Variants in KCNT1 observed in about 807,000 individuals in gnomAD.
The protein encoded by KCNT1 is potassium sodium-activated channel subfamily T member 1.
In KCNT1, 78 loss-of-function variants were observed where a neutral mutation model predicts 147.8. The observed-to-expected ratio is 0.53, with a 90% confidence interval of 0.44 to 0.64. The LOEUF (loss-of-function observed/expected upper bound fraction) is 0.64. KCNT1 is among the 30% of genes least tolerant of loss of function. The pLI is 0.00. For missense variants in KCNT1, 1,419 were observed against 1,750.3 expected, an observed-to-expected ratio of 0.81 and a Z score of 3.38; for synonymous variants, 867 against 748.8, an observed-to-expected ratio of 1.16 and a Z score of -2.58.
At chr9:135,770,253 C>G (rs189780337) in intron 16 of KCNT1, 45 bp from the exon 17 acceptor site, 12 of 1,551,378 alleles carry the variant, frequency 7.7e-6, no homozygotes, top group Non-Finnish European at 1.0e-5. Flanking sequence ...GAAGGGGCAG[C>G]CATGGCCGAG....
At chr9:135,727,240 T>TC (rs1459959503) in intron 2 of KCNT1, among the ~76,000 whole-genome samples, 5 of 63,984 alleles carry the variant, frequency 7.8e-5, no homozygotes, top group African/African-American at 2.5e-4. Flanking sequence ...CCATTCTCTC[T>TC]CCCCCTCTCT....
rs1165086639 is a variant in KCNT1 at position 135,752,590 on chromosome 9, G to T, written c.435-1347G>T. On this transcript the variant is annotated intron_variant, in intron 4 of 30. Transcript: ENST00000371757. This position sits in a 1 kb window ranked among gnomAD's most constrained non-coding sequence, Gnocchi z 5.1. Reference sequence around the variant, plus strand: ...GACATGGATGGGGGTGGGAAGATGGGTGGATGATGGATGGATGGTTGGATG... The same window carrying T: ...GACATGGATGGGGGTGGGAAGATGGTTGGATGATGGATGGATGGTTGGATG... 2.8e-6 allele frequency: 1 copy of T among 356,916 alleles called. No homozygotes were observed. The highest frequency in any genetic ancestry group is 5.6e-6 in the Non-Finnish European group (1 of 179,782). 22.1% of individuals were successfully genotyped at this position (356,916 alleles called of 1,614,324 possible). A position where few individuals can be genotyped will look rare whatever the true frequency, so the allele number is the denominator to read the frequency against.
intron 1 of KCNT1, among the ~76,000 whole-genome samples, chr9:135,710,323 T>C (rs567386899): frequency 3.9e-5 from 6 of 152,334 alleles, no homozygotes; most frequent in Admixed American, 3.3e-4. Context: ...TAGCATAGGC[T>C]GGAGCCAGGT....
rs762508818 is a variant in KCNT1 at position 135,771,106 on chromosome 9, A to G, written c.2008+11A>G. 102 of 1,604,216 alleles carry G rather than the reference A, an allele frequency of 6.4e-5. No individual in the cohort carries two copies. Among genetic ancestry groups the G allele is most frequent in the Non-Finnish European group, 8.4e-5 (99 of 1,174,660 alleles). On this transcript the variant is annotated intron_variant, in intron 18 of 30. Transcript: ENST00000371757. ...TCATCGCCTCCATGGGTGAGCCGGG[A>G]CAGGCGCGCGGGACTCCCTGGGCCT...
intron 1 of KCNT1, among the ~76,000 whole-genome samples, chr9:135,704,235 C>T (rs547635302): frequency 6.6e-6 from 1 of 152,224 alleles, no homozygotes; most frequent in South Asian, 2.1e-4. Context: ...GGTGCCAGGC[C>T]TTGAGCAGGC....
rs1832845859 is a variant in KCNT1, at chr9:135,772,778, G to A, written c.2072G>A (p.Gly691Glu). 2 of 1,488,872 alleles carry A rather than the reference G, an allele frequency of 1.3e-6. No homozygotes were observed. Among genetic ancestry groups the A allele is most frequent in the Non-Finnish European group, 1.8e-6 (2 of 1,117,232 alleles). 92.2% of individuals were successfully genotyped at this position (1,488,872 alleles called of 1,614,324 possible). ...HRPTQSGGGG[G>E]GSKLALPTEN... ...CCTACGCAGAGCGGCGGTGGGGGCG[G>A]GGGCAGCAAGCTGGCACTGCCCACG... is the stretch of plus-strand genomic sequence containing the variant. Residue 691 changes from glycine (G) to glutamate (E), a missense_variant, in exon 19 of 31, where the codon GGG (glycine) becomes GAG (glutamate). By Grantham distance (98) the Gly-to-Glu change is moderately conservative. Coordinates refer to ENST00000371757, the MANE Select transcript of KCNT1 (RefSeq NM_020822.3).
rs1554766004 is a variant in KCNT1 at position 135,730,990 on chromosome 9, T to TGAAAAAGA, written c.254+16270_254+16271insGAAAAAGA. Among the ~76,000 whole-genome samples, 1 of 85,594 alleles carries TGAAAAAGA rather than the reference T, an allele frequency of 1.2e-5. No homozygotes were observed. Among genetic ancestry groups the TGAAAAAGA allele is most frequent in the Non-Finnish European group, 2.2e-5 (1 of 44,680 alleles). The allele number at this position is 85,594 out of a possible 152,430, so 56.2% of individuals were successfully genotyped here. ...AACAAAGTGAGATCCCGTCTCAAGGTAAAAAAAAAAAAAAAAAAAAAAAGT... is the reference window on the plus strand; with the variant it reads ...AACAAAGTGAGATCCCGTCTCAAGGTGAAAAAGAAAAAAAAAAAAAAAAAAAAAAAAGT... On this transcript the variant is annotated intron_variant, in intron 2 of 30. Coordinates refer to ENST00000371757, the MANE Select transcript of KCNT1 (RefSeq NM_020822.3). This position sits in a 1 kb window ranked among gnomAD's most constrained non-coding sequence, Gnocchi z 4.7.
rs896736684 is a variant in KCNT1, at chr9:135,781,335, C to T, written c.2841+1865C>T. Among the ~76,000 whole-genome samples the T allele has an allele frequency of 4.6e-5, 7 of 152,192 alleles. No homozygotes were observed. The East Asian group carries it at 9.6e-4, about 21-fold the overall frequency. On this transcript the variant is annotated intron_variant, in intron 24 of 30. Transcript: ENST00000371757. ...GGGCAGGGCCAGGCATATACAGAGA[C>T]GTGGAGCCGAGGGAGGAGAGGGTGC...
At chr9:135,783,602 C>T (rs927512106) in intron 24 of KCNT1, among the ~76,000 whole-genome samples, 2 of 152,236 alleles carry the variant, frequency 1.3e-5, no homozygotes, top group African/African-American at 2.4e-5. Context: ...GCAGGGAGCC[C>T]GATGCTTGCT....
intron 1 of KCNT1, among the ~76,000 whole-genome samples, chr9:135,705,316 C>T (rs1835208222): frequency 6.6e-6 from 1 of 152,352 alleles, no homozygotes; most frequent in Admixed American, 6.5e-5. Flanking sequence ...CACAAACAAT[C>T]CCAGGTTTCT....
intron 2 of KCNT1, among the ~76,000 whole-genome samples, chr9:135,737,464 C>G (rs965473446): frequency 1.8e-4 from 28 of 152,186 alleles, no homozygotes; most frequent in African/African-American, 6.8e-4. Context: ...AGGAGCCGTT[C>G]TAGATGCTGC....
Position 135,784,529 on chromosome 9 carries a change from G to A in KCNT1, c.2944-6G>A. The A allele has an allele frequency of 1.6e-6, 1 of 629,630 alleles. No individual in the cohort carries two copies. Among genetic ancestry groups the A allele is most frequent in the Non-Finnish European group, 2.3e-6 (1 of 438,750 alleles). 39.0% of individuals were successfully genotyped at this position (629,630 alleles called of 1,614,324 possible). A position where few individuals can be genotyped will look rare whatever the true frequency, so the allele number is the denominator to read the frequency against. The stretch of plus-strand genomic sequence containing the variant: ...TCCCTCCCTCCCTCCCTCCCTCCCT[G>A]GCCAGTCCTTCGTGAAGGACTACAT... On this transcript the variant is annotated splice_polypyrimidine_tract_variant and splice_region_variant and intron_variant, in intron 25 of 30. Transcript: ENST00000371757.
chr9:135,783,088 C>T (rs1833731030), intron 24 of KCNT1, among the ~76,000 whole-genome samples: 1 of 152,200 alleles, frequency 6.6e-6, no homozygotes, highest in Admixed American at 6.5e-5. Context: ...AGGCCGAGCT[C>T]CAGGGTTGGG....
chr9:135,781,490 G>A (rs1374527592), intron 24 of KCNT1, among the ~76,000 whole-genome samples: 1 of 152,202 alleles, frequency 6.6e-6, no homozygotes, highest in African/African-American at 2.4e-5. Flanking sequence ...GATCCCCCAT[G>A]GGTCTCTCTG....
chr9:135,753,613 G>GGCAGAACCA (rs1033383772), intron 4 of KCNT1: 1 of 456,394 alleles, frequency 2.2e-6, no homozygotes, highest in Non-Finnish European at 4.0e-6. Context: ...TGTCAGCACA[G>GGCAGAACCA]GCAGAACCAG....
At chr9:135,717,016 T>C (rs956250137) in intron 2 of KCNT1, among the ~76,000 whole-genome samples, 6 of 151,252 alleles carry the variant, frequency 4.0e-5, no homozygotes, top group Admixed American at 4.0e-4. Context: ...GTGGTGTGCA[T>C]AGGACGGGAG....
intron 2 of KCNT1, among the ~76,000 whole-genome samples, chr9:135,732,793 C>A (rs1338618041): frequency 1.3e-5 from 2 of 151,130 alleles, no homozygotes; most frequent in Admixed American, 1.3e-4. Context: ...TCTCTCTTCT[C>A]TTTTTTCTCC....
At chr9:135,768,437 T>C in intron 13 of KCNT1, 173 bp from the exon 14 acceptor site, 1 of 440,938 alleles carries the variant, frequency 2.3e-6, no homozygotes, top group Non-Finnish European at 4.2e-6. Flanking sequence ...CCTTCCATCC[T>C]CCCCGCCTTC....
Position 135,752,172 on chromosome 9 carries a change from C to G in KCNT1, c.434+1131C>G. 2.9e-6 allele frequency: 1 copy of G among 349,698 alleles called. No individual in the cohort carries two copies. Among genetic ancestry groups the G allele is most frequent in the South Asian group, 2.2e-5 (1 of 46,288 alleles). The allele number at this position is 349,698 out of a possible 1,614,324, so 21.7% of individuals were successfully genotyped here. On this transcript the variant is annotated intron_variant, in intron 4 of 30. Coordinates refer to ENST00000371757, the MANE Select transcript of KCNT1 (RefSeq NM_020822.3). The surrounding 1 kb of genome is among the most constrained non-coding windows in gnomAD (Gnocchi z 5.1). Reference sequence around the variant, plus strand: ...CATCGGGGTGAACCCTGCCAGCATGCTGGTCCCCCCTCTGGCTGCGCAGAG... The same window carrying G: ...CATCGGGGTGAACCCTGCCAGCATGGTGGTCCCCCCTCTGGCTGCGCAGAG...
Sources: allele counts gnomAD v4.1 joint callset (sites outside exome capture counted in the v4.1 genomes callset), GRCh38; gene constraint gnomAD v4.1.1; non-coding constraint Gnocchi (gnomAD v3.1); transcripts MANE v1.5; gene names NCBI Gene and HGNC (gene_info 2026-07-23, HGNC 2026-07-21).